DGKB: variants seen among roughly 807,000 people sequenced by gnomAD.
DGKB encodes 90 kDa diacylglycerol kinase.
In DGKB, 67 loss-of-function variants were observed where a neutral mutation model predicts 114.3. That is an observed-to-expected ratio of 0.59 (90% CI 0.48 to 0.72). DGKB has a LOEUF of 0.72. Among genes scored for constraint, DGKB ranks in the 30% least tolerant of loss-of-function variants. The pLI is 0.00. For missense variants in DGKB, 907 were observed against 975.2 expected (o/e 0.93, Z 0.93); for synonymous variants, 398 against 323.1 (o/e 1.23, Z -2.49).
chr7:14,454,349 C>A (rs1350925845), intron 21 of DGKB, among the ~76,000 whole-genome samples: 1 of 152,066 alleles, frequency 6.6e-6, no homozygotes, highest in Admixed American at 6.6e-5. Context: ...ATGTCTCTAG[C>A]AGACCTATGT....
chr7:14,962,632 G>T (rs1366718444), intron 1 of DGKB, among the ~76,000 whole-genome samples: 13 of 136,094 alleles, frequency 9.6e-5, no homozygotes, highest in African/African-American at 3.2e-4. Context: ...GTGTGTGTGT[G>T]TGTTTGTGTG....
intron 23 of DGKB, among the ~76,000 whole-genome samples, chr7:14,267,992 A>G (rs2128425686): frequency 6.6e-6 from 1 of 152,300 alleles, no homozygotes; most frequent in Non-Finnish European, 1.5e-5. Flanking sequence ...GTACAAAGAA[A>G]TATTGAAACT....
intron 21 of DGKB, among the ~76,000 whole-genome samples, chr7:14,406,755 T>C (rs933391300): frequency 2.0e-5 from 3 of 152,106 alleles, no homozygotes; most frequent in African/African-American, 7.2e-5. Context: ...ACAATTTATT[T>C]GTACAATATG....
At chr7:14,957,177 A>G (rs1003821186) in intron 1 of DGKB, among the ~76,000 whole-genome samples, 1 of 152,024 alleles carries the variant, frequency 6.6e-6, no homozygotes, top group Non-Finnish European at 1.5e-5. Flanking sequence ...TAAAATGCTT[A>G]GCCTGATTCA....
In DGKB at chr7:14,621,416, T is replaced by C; in HGVS notation, c.1246A>G (p.Arg416Gly). ...CCATCTACAGTAACAGAGTTGGCTC[T>C]TTGCATTTTATTCTTGTCAATCACT... ...NKVIDKNKMQ[R>G]ANSVTVDGQG... The change falls in exon 15 of 26, where the codon AGA becomes GGA. Residue 416 changes from arginine (R) to glycine (G), a missense_variant. This residue lies in a region of DGKB where 814 missense variants were observed against 856.6 expected (regional missense o/e 0.95). Transcript: ENST00000402815. The C allele has an allele frequency of 1.2e-6, 2 of 1,611,346 alleles. No individual in the cohort carries two copies. Among genetic ancestry groups the C allele is most frequent in the Non-Finnish European group, 1.7e-6 (2 of 1,178,488 alleles).
chr7:14,251,031 A>C lies in DGKB; in HGVS notation c.2123-72880T>G, dbSNP rs75302733. 1.2e-3 allele frequency among the ~76,000 whole-genome samples: 182 copies of C among 152,284 alleles called. 2 individuals carry two copies. The highest frequency in any genetic ancestry group is 4.1e-3 in the African/African-American group (169 of 41,554). Reference sequence around the variant, plus strand: ...AATCTATGTGTGTCCTTCAAGCTAAAGTGAGTCTCTTTTAGGAGGTGTATA... The same window carrying C: ...AATCTATGTGTGTCCTTCAAGCTAACGTGAGTCTCTTTTAGGAGGTGTATA... On this transcript the variant is annotated intron_variant, in intron 23 of 25. Coordinates refer to ENST00000402815, the MANE Select transcript of DGKB (RefSeq NM_001350709.2).
intron 20 of DGKB, among the ~76,000 whole-genome samples, chr7:14,508,009 C>T (rs1787368703): frequency 6.6e-6 from 1 of 152,124 alleles, no homozygotes; most frequent in Admixed American, 6.5e-5. Context: ...AACAACAAGG[C>T]AATGATTCAA....
intron 1 of DGKB, among the ~76,000 whole-genome samples, chr7:14,953,903 C>A (rs533469925): frequency 1.1e-4 from 16 of 152,176 alleles, no homozygotes; most frequent in African/African-American, 3.9e-4. Context: ...GGCCCCCAGA[C>A]CTGCAGCTTT....
chr7:14,213,636 G>T (rs1427541941), intron 23 of DGKB, among the ~76,000 whole-genome samples: 1 of 152,090 alleles, frequency 6.6e-6, no homozygotes, highest in African/African-American at 2.4e-5. Flanking sequence ...GTGTTACCTG[G>T]CCCCCTTAGT....
At chr7:14,419,539 A>G (rs1376860666) in intron 21 of DGKB, among the ~76,000 whole-genome samples, 2 of 151,862 alleles carry the variant, frequency 1.3e-5, no homozygotes, top group Non-Finnish European at 2.9e-5. Flanking sequence ...GAAAAATGTT[A>G]CTTAGTGAGG....
At chr7:14,647,856 C>T (rs1454462143) in intron 13 of DGKB, among the ~76,000 whole-genome samples, 1 of 152,192 alleles carries the variant, frequency 6.6e-6, no homozygotes, top group Non-Finnish European at 1.5e-5. Context: ...CAGGGAGTTC[C>T]CTTTCTGAGT....
At chr7:14,958,221 T>G (rs1033890348) in intron 1 of DGKB, among the ~76,000 whole-genome samples, 4 of 152,018 alleles carry the variant, frequency 2.6e-5, no homozygotes, top group Admixed American at 2.0e-4. Context: ...TTCTAAGAGC[T>G]GCAAAGTTTT....
chr7:14,663,976 C>G (rs926306352), intron 13 of DGKB, among the ~76,000 whole-genome samples: 3 of 151,964 alleles, frequency 2.0e-5, no homozygotes, highest in South Asian at 4.1e-4. Flanking sequence ...AGCTACAAAG[C>G]TGGACTTGAG....
intron 13 of DGKB, among the ~76,000 whole-genome samples, chr7:14,645,122 G>C (rs1812675936): frequency 6.6e-6 from 1 of 151,924 alleles, no homozygotes; most frequent in Non-Finnish European, 1.5e-5. Context: ...GACCAACCAT[G>C]GACCCATCAG....
chr7:14,628,059 G>A lies in DGKB; in HGVS notation c.1167+2177C>T, dbSNP rs576677623. ...GACTGTCATCCACAGTAAACTGAAA[G>A]TAAGTACCAGGAGGCAGCTCTCTTA... On this transcript the variant is annotated intron_variant, in intron 14 of 25. Transcript: ENST00000402815. Among the ~76,000 whole-genome samples, 4 of 152,026 alleles carry A rather than the reference G, an allele frequency of 2.6e-5. No individual in the cohort carries two copies. The South Asian group carries it at 8.3e-4, about 31-fold the overall frequency.
chr7:14,823,950 G>A (rs985611394), intron 2 of DGKB, among the ~76,000 whole-genome samples: 4 of 152,102 alleles, frequency 2.6e-5, no homozygotes, highest in African/African-American at 9.7e-5. Context: ...AAAAGAAAGA[G>A]GTTTAATTGA....
At chr7:14,328,657 G>A (rs1219499287) in intron 23 of DGKB, among the ~76,000 whole-genome samples, 1 of 152,000 alleles carries the variant, frequency 6.6e-6, no homozygotes, top group African/African-American at 2.4e-5. Flanking sequence ...ATAAAAGGAT[G>A]AAATGAGATT....
At position 14,567,264 on chromosome 7, in the gene DGKB, T is replaced by TATATTATATATATTATATATTTATATA. The variant is rs1554517424; in HGVS notation, c.1770+6947_1770+6948insTATATAAATATATAATATATATAATAT. ...TTATATATATTATATATTTATATAT[T>TATATTATATATATTATATATTTATATA]ATATATATAATTATATTATATATAT... On this transcript the variant is annotated intron_variant, in intron 20 of 25. Transcript: ENST00000402815. 3.0e-4 allele frequency among the ~76,000 whole-genome samples: 14 copies of TATATTATATATATTATATATTTATATA among 46,100 alleles called. 1 individual carries two copies. Among genetic ancestry groups the TATATTATATATATTATATATTTATATA allele is most frequent in the African/African-American group, 1.3e-3 (14 of 10,614 alleles). The allele number at this position is 46,100 out of a possible 152,430, so 30.2% of individuals were successfully genotyped here. A position where few individuals can be genotyped will look rare whatever the true frequency, so the allele number is the denominator to read the frequency against.
chr7:14,887,898 A>G (rs1780566844), intron 1 of DGKB, among the ~76,000 whole-genome samples: 2 of 151,802 alleles, frequency 1.3e-5, no homozygotes, highest in African/African-American at 4.8e-5. Flanking sequence ...ATTACGTCAC[A>G]GATAATATCA....
Sources: gnomAD v4.1 joint callset for allele counts (sites outside exome capture counted in the v4.1 genomes callset) on GRCh38, gnomAD v4.1.1 for gene constraint, gnomAD v4.1.1 regional missense constraint, MANE v1.5 for transcripts, NCBI Gene and HGNC (gene_info 2026-07-23, HGNC 2026-07-21) for gene names.